The following DAB1 variants were observed in gnomAD, a reference collection of about 807,000 sequenced individuals.
DAB1 encodes disabled homolog 1.
A neutral mutation model predicts 64.6 loss-of-function variants in DAB1; 15 were observed. The observed-to-expected ratio is 0.23, with a 90% CI of 0.16 to 0.36. The LOEUF (loss-of-function observed/expected upper bound fraction) is 0.36. Among genes scored for constraint, DAB1 ranks in the 10% least tolerant of loss-of-function variants. The pLI is 1.00. For missense variants in DAB1, 596 were observed against 706.7 expected (o/e 0.84, Z 1.78); for synonymous variants, 235 against 251.9 (o/e 0.93, Z 0.64).
chr1:57,339,158 A>ATTT (rs1290722556), intron 1 of DAB1, among the ~76,000 whole-genome samples: 1 of 137,232 alleles, frequency 7.3e-6, no homozygotes, highest in Admixed American at 7.2e-5. Context: ...TTAATTAATT[A>ATTT]TTATTTTTTT....
intron 2 of DAB1, among the ~76,000 whole-genome samples, chr1:57,203,303 T>C (rs930818164): frequency 3.9e-5 from 6 of 152,202 alleles, no homozygotes; most frequent in African/African-American, 1.4e-4. Flanking sequence ...CTTCCTCAGC[T>C]TCTCCATTAA....
chr1:57,226,672 A>AATATATATATATAT (rs61660460), intron 2 of DAB1, among the ~76,000 whole-genome samples: 21 of 135,992 alleles, frequency 1.5e-4, no homozygotes, highest in African/African-American at 5.9e-4. Flanking sequence ...TTAAAAAAAA[A>AATATATATATATAT]ATATATATAT....
At chr1:57,934,063 T>TTGTGTGTGTGTGTG (rs55848780) in intron 5 of DAB1, among the ~76,000 whole-genome samples, 5,019 of 127,990 alleles carry the variant, frequency 0.039, 153 homozygotes, top group African/African-American at 0.055. Flanking sequence ...GCCCAGCTAA[T>TTGTGTGTGTGTGTG]TGTGTGTGTG....
intron 4 of DAB1, among the ~76,000 whole-genome samples, chr1:57,127,974 C>G (rs1047474979): frequency 1.1e-4 from 16 of 151,790 alleles, no homozygotes; most frequent in Non-Finnish European, 2.1e-4. Context: ...ATGGTGAAAT[C>G]TCATCTCTAC....
chr1:58,195,828 T>C (rs1657645958), intron 4 of DAB1, among the ~76,000 whole-genome samples: 1 of 152,248 alleles, frequency 6.6e-6, no homozygotes, highest in Non-Finnish European at 1.5e-5. Flanking sequence ...ATTCAAATTT[T>C]ACAATAGCCC....
At chr1:57,055,054 G>A (rs1203226537) in intron 9 of DAB1, among the ~76,000 whole-genome samples, 2 of 152,108 alleles carry the variant, frequency 1.3e-5, no homozygotes, top group Non-Finnish European at 2.9e-5. Flanking sequence ...CCTCCTTTCT[G>A]AAACCTCCGT....
intron 7 of DAB1, among the ~76,000 whole-genome samples, chr1:57,499,858 T>C (rs1180304883): frequency 6.6e-6 from 1 of 152,242 alleles, no homozygotes. Context: ...GTCCACCTAC[T>C]ATACTTGATT....
intron 1 of DAB1, among the ~76,000 whole-genome samples, chr1:57,827,389 C>A (rs780610070): frequency 4.6e-5 from 7 of 152,160 alleles, no homozygotes; most frequent in South Asian, 2.1e-4. Context: ...TCTAGCTTTG[C>A]AGTCAACATT....
intron 5 of DAB1, among the ~76,000 whole-genome samples, chr1:58,125,080 A>G (rs1340985879): frequency 6.6e-6 from 1 of 152,198 alleles, no homozygotes; most frequent in African/African-American, 2.4e-5. Flanking sequence ...GATAGAAATT[A>G]TAAATTAATA....
At chr1:57,582,855 T>G (rs1645330078) in intron 7 of DAB1, among the ~76,000 whole-genome samples, 2 of 152,196 alleles carry the variant, frequency 1.3e-5, no homozygotes, top group Non-Finnish European at 2.9e-5. Flanking sequence ...ACCAGGATAG[T>G]CTCATTCCTT....
intron 4 of DAB1, among the ~76,000 whole-genome samples, chr1:58,256,604 T>A (rs1660934565): frequency 6.6e-6 from 1 of 152,200 alleles, no homozygotes; most frequent in South Asian, 2.1e-4. Flanking sequence ...GTGCATTAGC[T>A]CATTGAATCC....
intron 3 of DAB1, among the ~76,000 whole-genome samples, chr1:57,141,833 T>C (rs972392292): frequency 6.6e-6 from 1 of 152,144 alleles, no homozygotes; most frequent in Non-Finnish European, 1.5e-5. Context: ...AAGATCTAGT[T>C]TGGGAACCTC....
At chr1:58,191,449 A>G (rs1225292551) in intron 4 of DAB1, among the ~76,000 whole-genome samples, 2 of 152,134 alleles carry the variant, frequency 1.3e-5, no homozygotes, top group African/African-American at 4.8e-5. Context: ...AGAATCCCGG[A>G]CCACTGAATT....
intron 3 of DAB1, among the ~76,000 whole-genome samples, chr1:58,436,854 CA>C (rs1322023411): frequency 6.6e-6 from 1 of 152,218 alleles, no homozygotes; most frequent in Non-Finnish European, 1.5e-5. Context: ...GCTACCCCCA[CA>C]TACCCTAGTC....
intron 2 of DAB1, among the ~76,000 whole-genome samples, chr1:57,278,826 G>A (rs1220972748): frequency 6.6e-6 from 1 of 152,214 alleles, no homozygotes; most frequent in Middle Eastern, 3.2e-3. Context: ...GGCCCTTACA[G>A]CACTGACTTT....
At chr1:58,382,999 G>A (rs17496683) in intron 3 of DAB1, among the ~76,000 whole-genome samples, 12,189 of 152,214 alleles carry the variant, frequency 0.08, 662 homozygotes, top group Non-Finnish European at 0.12. Context: ...GTGCTAATGT[G>A]TAATGAGGAC....
chr1:58,000,825 C>G (rs1356121388), intron 5 of DAB1, among the ~76,000 whole-genome samples: 1 of 151,972 alleles, frequency 6.6e-6, no homozygotes, highest in Non-Finnish European at 1.5e-5. Flanking sequence ...CCCACCTTGG[C>G]CTCCCAAAGT....
intron 3 of DAB1, among the ~76,000 whole-genome samples, chr1:58,429,966 C>T (rs942014370): frequency 6.6e-6 from 1 of 152,146 alleles, no homozygotes; most frequent in African/African-American, 2.4e-5. Flanking sequence ...ACAGGGCATC[C>T]CCCAGGTCTT....
At chr1:57,468,533 A>G (rs1687031411) in intron 7 of DAB1, among the ~76,000 whole-genome samples, 1 of 152,230 alleles carries the variant, frequency 6.6e-6, no homozygotes, top group Non-Finnish European at 1.5e-5. Flanking sequence ...TGATCTCAGT[A>G]TCTTACAGAG....
Sources: gnomAD v4.1 joint callset for allele counts (sites outside exome capture counted in the v4.1 genomes callset) on GRCh38, gnomAD v4.1.1 for gene constraint, MANE v1.5 for transcripts, NCBI Gene and HGNC (gene_info 2026-07-23, HGNC 2026-07-21) for gene names.